RASAL2: variants seen among roughly 807,000 people sequenced by gnomAD.
The protein encoded by RASAL2 is ras GTPase-activating protein nGAP.
RASAL2 carries 58 observed loss-of-function variants against 128.9 expected under a neutral mutation model. The observed-to-expected ratio is 0.45, with a 90% confidence interval of 0.36 to 0.56. RASAL2 has a LOEUF of 0.56. Ranked by LOEUF, RASAL2 falls within the 20% of genes least tolerant of loss-of-function variation. The pLI is 0.00. For synonymous variants in RASAL2, 561 were observed against 580.8 expected, an observed-to-expected ratio of 0.97 and a Z score of 0.49; for missense variants, 1,360 against 1,601.6, an observed-to-expected ratio of 0.85 and a Z score of 2.57.
chr1:178,218,754 A>G (rs939142232), intron 1 of RASAL2, among the ~76,000 whole-genome samples: 1 of 152,230 alleles, frequency 6.6e-6, no homozygotes, highest in Admixed American at 6.5e-5. Context: ...TATTTTAATG[A>G]TAGAGTGCAG....
At chr1:178,330,437 A>G (rs1194633624) in intron 3 of RASAL2, among the ~76,000 whole-genome samples, 1 of 152,144 alleles carries the variant, frequency 6.6e-6, no homozygotes, top group Non-Finnish European at 1.5e-5. Context: ...TACAACATAG[A>G]GTATGTAGTG....
intron 3 of RASAL2, among the ~76,000 whole-genome samples, chr1:178,339,582 T>TG (rs140227032): frequency 0.038 from 5,822 of 152,260 alleles, 359 homozygotes; most frequent in African/African-American, 0.13. Context: ...TTTGAACTGT[T>TG]GCATTAGATC....
At chr1:178,441,221 G>A (rs1676626357) in intron 6 of RASAL2, among the ~76,000 whole-genome samples, 1 of 152,146 alleles carries the variant, frequency 6.6e-6, no homozygotes, top group Non-Finnish European at 1.5e-5. Flanking sequence ...CTAACTCACA[G>A]CTTTGCATTC....
rs760188325 is a variant in RASAL2 at position 178,454,641 on chromosome 1, T to A, written c.2204T>A (p.Leu735His). ...HSLLWEVVSQLDKATVAKLGP... is the reference protein window; with the variant it reads ...HSLLWEVVSQHDKATVAKLGP... ...TTACTGTGGGAAGTAGTTTCCCAAC[T>A]TGATAAGGTAAAGTAGGTTGGTGGA... The change falls in exon 12 of 18, where the codon CTT becomes CAT. Residue 735 changes from leucine (L) to histidine (H), a missense_variant. Coordinates refer to ENST00000367649, the MANE Select transcript of RASAL2 (RefSeq NM_170692.4). 1.9e-6 allele frequency: 3 copies of A among 1,613,330 alleles called. No individual in the cohort carries two copies.
At chr1:178,250,401 C>T (rs1664987302) in intron 1 of RASAL2, among the ~76,000 whole-genome samples, 1 of 152,216 alleles carries the variant, frequency 6.6e-6, no homozygotes, top group Non-Finnish European at 1.5e-5. Context: ...ACTCAAGCCT[C>T]AGCAATGGCG....
chr1:178,422,077 G>A (rs1675182331), intron 5 of RASAL2, among the ~76,000 whole-genome samples: 1 of 151,686 alleles, frequency 6.6e-6, no homozygotes, highest in African/African-American at 2.4e-5. Context: ...AATTCAATAG[G>A]CAATTTCTTA....
chr1:178,244,698 A>G (rs1474328413), intron 1 of RASAL2, among the ~76,000 whole-genome samples: 1 of 151,924 alleles, frequency 6.6e-6, no homozygotes, highest in African/African-American at 2.4e-5. Context: ...CATGCGTTAG[A>G]TATTTGTCCT....
intron 3 of RASAL2, among the ~76,000 whole-genome samples, chr1:178,330,498 G>T (rs1415176199): frequency 1.3e-5 from 2 of 152,116 alleles, no homozygotes; most frequent in Non-Finnish European, 2.9e-5. Flanking sequence ...ACTGAACAGT[G>T]AACAGTACTC....
chr1:178,238,401 A>G (rs1219987933), intron 1 of RASAL2, among the ~76,000 whole-genome samples: 1 of 152,126 alleles, frequency 6.6e-6, no homozygotes, highest in African/African-American at 2.4e-5. Context: ...TTACGTGAAC[A>G]TATGTTTTCA....
intron 5 of RASAL2, among the ~76,000 whole-genome samples, chr1:178,437,367 T>C (rs1409131217): frequency 1.3e-5 from 2 of 152,098 alleles, no homozygotes; most frequent in Non-Finnish European, 2.9e-5. Flanking sequence ...AGAGAGTTGT[T>C]TTCTGACATA....
At chr1:178,424,406 C>G (rs1003735733) in intron 5 of RASAL2, among the ~76,000 whole-genome samples, 3 of 151,842 alleles carry the variant, frequency 2.0e-5, no homozygotes, top group African/African-American at 7.3e-5. Flanking sequence ...CTGCCTCCAG[C>G]CAGAAATCTT....
intron 1 of RASAL2, among the ~76,000 whole-genome samples, chr1:178,127,807 C>T (rs1184192953): frequency 2.6e-5 from 4 of 152,090 alleles, no homozygotes; most frequent in Admixed American, 6.5e-5. Context: ...GAGAATTGTA[C>T]ATCATTTCAG....
At chr1:178,125,006 C>T (rs1046799506) in intron 1 of RASAL2, among the ~76,000 whole-genome samples, 2 of 152,156 alleles carry the variant, frequency 1.3e-5, no homozygotes, top group South Asian at 4.1e-4. Context: ...ATATCTCATA[C>T]TTAGAGAAAT....
intron 3 of RASAL2, among the ~76,000 whole-genome samples, chr1:178,373,195 A>G (rs1383528012): frequency 1.4e-5 from 2 of 142,130 alleles, no homozygotes; most frequent in East Asian, 4.2e-4. Context: ...TATCTCTACT[A>G]TTATTTGAAA....
intron 1 of RASAL2, among the ~76,000 whole-genome samples, chr1:178,258,476 A>C (rs747260437): frequency 6.6e-6 from 1 of 152,216 alleles, no homozygotes; most frequent in Non-Finnish European, 1.5e-5. Context: ...TAGTTCTCTA[A>C]GGATGGTATA....
intron 3 of RASAL2, among the ~76,000 whole-genome samples, chr1:178,339,780 A>G (rs1368173344): frequency 6.6e-6 from 1 of 152,194 alleles, no homozygotes; most frequent in Non-Finnish European, 1.5e-5. Flanking sequence ...CCCAGCACCA[A>G]ACTTAATAAA....
At chr1:178,217,945 TC>T (rs111882284) in intron 1 of RASAL2, among the ~76,000 whole-genome samples, 7,813 of 152,268 alleles carry the variant, frequency 0.051, 303 homozygotes, top group African/African-American at 0.11. Flanking sequence ...CCCTTCAAAT[TC>T]TTCCACTGCT....
intron 3 of RASAL2, among the ~76,000 whole-genome samples, chr1:178,347,577 G>A (rs1170991610): frequency 6.6e-6 from 1 of 152,134 alleles, no homozygotes; most frequent in African/African-American, 2.4e-5. Context: ...GCTATTGTTA[G>A]TCATCAGGGA....
intron 4 of RASAL2, among the ~76,000 whole-genome samples, chr1:178,416,684 G>A (rs1674779762): frequency 6.6e-6 from 1 of 151,852 alleles, no homozygotes; most frequent in African/African-American, 2.4e-5. Flanking sequence ...TCATGTATGT[G>A]AGAAAGCTTT....
Sources: gnomAD v4.1 joint callset for allele counts (sites outside exome capture counted in the v4.1 genomes callset) on GRCh38, gnomAD v4.1.1 for gene constraint, MANE v1.5 for transcripts, NCBI Gene and HGNC (gene_info 2026-07-23, HGNC 2026-07-21) for gene names.